Variants in CA10 observed in about 807,000 individuals in gnomAD.
The protein encoded by CA10 is carbonic anhydrase-related protein 10.
A neutral mutation model predicts 44.2 loss-of-function variants in CA10; 14 were observed. That is an observed-to-expected ratio of 0.32 (90% confidence interval 0.21 to 0.50). The LOEUF is 0.50. Among genes scored for constraint, CA10 ranks in the 20% least tolerant of loss-of-function variants. The pLI, the probability that CA10 is intolerant of heterozygous loss-of-function variation, is 0.99. For missense variants in CA10, 350 were observed against 409.7 expected (o/e 0.85, Z 1.26); for synonymous variants, 159 against 141.6 (o/e 1.12, Z -0.87).
chr17:52,085,067 G>T (rs1193532823), intron 1 of CA10, among the ~76,000 whole-genome samples: 2 of 152,130 alleles, frequency 1.3e-5, no homozygotes, highest in Non-Finnish European at 2.9e-5. Context: ...ACATTTATAA[G>T]ATATAAATAA....
At chr17:51,912,249 C>T (rs1487187757) in intron 3 of CA10, among the ~76,000 whole-genome samples, 2 of 152,288 alleles carry the variant, frequency 1.3e-5, no homozygotes, top group East Asian at 1.9e-4. Context: ...AAATTAAATT[C>T]TGAAAACACT....
At chr17:51,860,378 CA>C (rs1979249160) in intron 3 of CA10, among the ~76,000 whole-genome samples, 2 of 152,274 alleles carry the variant, frequency 1.3e-5, no homozygotes, top group South Asian at 4.1e-4. Context: ...TTTCTTTCTC[CA>C]AAACATCCAG....
At chr17:51,731,674 G>GTTTT (rs1567820372) in intron 4 of CA10, among the ~76,000 whole-genome samples, 2 of 128,790 alleles carry the variant, frequency 1.6e-5, no homozygotes, top group East Asian at 2.3e-4. Flanking sequence ...AAAAAAAAAA[G>GTTTT]ATTTATTTAT....
chr17:51,960,709 A>C (rs1983855334), intron 2 of CA10, among the ~76,000 whole-genome samples: 1 of 152,228 alleles, frequency 6.6e-6, no homozygotes, highest in Admixed American at 6.5e-5. Flanking sequence ...ACTAGAAATC[A>C]AAAACAGATA....
At chr17:51,802,787 C>T (rs897297480) in intron 3 of CA10, among the ~76,000 whole-genome samples, 3 of 152,110 alleles carry the variant, frequency 2.0e-5, no homozygotes, top group Non-Finnish European at 4.4e-5. Context: ...CCATGCCATA[C>T]TCATTAAGCC....
rs369881583 is a variant in CA10 at position 51,931,585 on chromosome 17, A to G, written c.137-453T>C. On this transcript the variant is annotated intron_variant, in intron 2 of 8. Coordinates refer to ENST00000451037, the MANE Select transcript of CA10 (RefSeq NM_020178.5). The stretch of plus-strand genomic sequence containing the variant: ...GGAAAGTGTCATTCAGTGTACACAA[A>G]GTTTTTCTTTGGGTTGTCAAGACTA... Among the ~76,000 whole-genome samples, 7 of 152,254 alleles carry G rather than the reference A, an allele frequency of 4.6e-5. No individual in the cohort carries two copies. In the East Asian group the frequency reaches 1.4e-3, roughly 29 times the overall value.
intron 8 of CA10, 66 bp from the exon 9 acceptor site, chr17:51,631,672 T>C: frequency 7.3e-7 from 1 of 1,362,260 alleles, no homozygotes; most frequent in Non-Finnish European, 1.0e-6. Flanking sequence ...ACTCAATTAA[T>C]TTGCACACAG....
intron 1 of CA10, among the ~76,000 whole-genome samples, chr17:52,137,093 T>G (rs562976683): frequency 1.3e-4 from 19 of 146,324 alleles, no homozygotes; most frequent in Non-Finnish European, 2.2e-4. Context: ...ATGTGGGGAT[T>G]TTTTTTTTTT....
At chr17:52,005,348 A>G (rs1208424815) in intron 2 of CA10, among the ~76,000 whole-genome samples, 1 of 151,950 alleles carries the variant, frequency 6.6e-6, no homozygotes, top group East Asian at 1.9e-4. Context: ...TTTAATCTCC[A>G]TTAATTATTG....
intron 3 of CA10, among the ~76,000 whole-genome samples, chr17:51,898,067 T>C (rs1365057048): frequency 6.6e-6 from 1 of 152,090 alleles, no homozygotes; most frequent in Non-Finnish European, 1.5e-5. Context: ...TTCTTTCTCA[T>C]TCCTGATTGC....
At chr17:51,828,184 A>T (rs1908100637) in intron 3 of CA10, among the ~76,000 whole-genome samples, 1 of 152,060 alleles carries the variant, frequency 6.6e-6, no homozygotes, top group Non-Finnish European at 1.5e-5. Context: ...GTGACTAGGG[A>T]GTTAGGAGGT....
At position 51,797,919 on chromosome 17, in the gene CA10, T is replaced by A. The variant is rs566884442; in HGVS notation, c.280-50101A>T. Among the ~76,000 whole-genome samples the A allele has an allele frequency of 4.2e-5, 6 of 141,548 alleles. No homozygotes were observed. The South Asian group carries it at 1.5e-3, about 35-fold the overall frequency. 92.9% of individuals were successfully genotyped at this position (141,548 alleles called of 152,430 possible). ...ACAAGAGTAGCTAATCTACCACACA[T>A]CCACGACTAGCATCTAGGGGCTACT... On this transcript the variant is annotated intron_variant, in intron 3 of 8. Coordinates refer to ENST00000451037, the MANE Select transcript of CA10 (RefSeq NM_020178.5).
At chr17:51,834,982 G>C (rs988213895) in intron 3 of CA10, among the ~76,000 whole-genome samples, 1 of 152,162 alleles carries the variant, frequency 6.6e-6, no homozygotes, top group Non-Finnish European at 1.5e-5. Flanking sequence ...TATAGTGTGA[G>C]GTTGTGCTCT....
intron 3 of CA10, among the ~76,000 whole-genome samples, chr17:51,755,851 C>T (rs936336397): frequency 6.6e-6 from 1 of 152,222 alleles, no homozygotes; most frequent in African/African-American, 2.4e-5. Context: ...CAAGCTCATG[C>T]TCTTCCCAGG....
At chr17:51,648,771 G>C (rs1183786074) in intron 6 of CA10, among the ~76,000 whole-genome samples, 9 of 152,160 alleles carry the variant, frequency 5.9e-5, no homozygotes, top group Non-Finnish European at 8.8e-5. Flanking sequence ...GCCACACACA[G>C]AGAAATGGTC....
intron 2 of CA10, among the ~76,000 whole-genome samples, chr17:51,976,752 G>A (rs1984478246): frequency 6.6e-6 from 1 of 151,096 alleles, no homozygotes; most frequent in South Asian, 2.1e-4. Context: ...TTAAAAATGA[G>A]AGTGAAAAAA....
chr17:52,020,221 A>C (rs1369338762), intron 2 of CA10, among the ~76,000 whole-genome samples: 1 of 152,050 alleles, frequency 6.6e-6, no homozygotes, highest in South Asian at 2.1e-4. Flanking sequence ...TGGATGATAT[A>C]TTTTCAGATA....
chr17:51,955,704 G>C (rs1983640110), intron 2 of CA10, among the ~76,000 whole-genome samples: 1 of 152,020 alleles, frequency 6.6e-6, no homozygotes. Context: ...TAGACCTAAA[G>C]ACAAAGCCAT....
At chr17:52,133,192 G>A (rs539309773) in intron 1 of CA10, among the ~76,000 whole-genome samples, 1 of 152,274 alleles carries the variant, frequency 6.6e-6, no homozygotes, top group East Asian at 1.9e-4. Context: ...CTTGGGGAAC[G>A]AAAGCCAAGC....
Sources: gnomAD v4.1 joint callset for allele counts (sites outside exome capture counted in the v4.1 genomes callset) on GRCh38, gnomAD v4.1.1 for gene constraint, MANE v1.5 for transcripts, NCBI Gene and HGNC (gene_info 2026-07-23, HGNC 2026-07-21) for gene names.